The following MAGI2 variants were observed in gnomAD, a reference collection of about 807,000 sequenced individuals.
MAGI2 encodes membrane-associated guanylate kinase, WW and PDZ domain-containing protein 2.
MAGI2 carries 35 observed loss-of-function variants against 133.3 expected under a neutral mutation model. The observed-to-expected ratio is 0.26, with a 90% CI of 0.20 to 0.35. MAGI2 has a LOEUF of 0.35. Among genes scored for constraint, MAGI2 ranks in the 10% least tolerant of loss-of-function variants. MAGI2 has a pLI of 1.00. For synonymous variants in MAGI2, 729 were observed against 710.6 expected (o/e 1.03, Z -0.41); for missense variants, 1,636 against 1,863.4 (o/e 0.88, Z 2.25).
intron 21 of MAGI2, 174 bp downstream of exon 21, chr7:78,078,773 T>C (rs1815631493): frequency 4.4e-6 from 3 of 682,404 alleles, no homozygotes; most frequent in Non-Finnish European, 4.9e-6. Context: ...GGCATAAACA[T>C]ACGTGTGTGT....
chr7:78,023,820 G>A (rs1186435929), intron 21 of MAGI2, among the ~76,000 whole-genome samples: 1 of 152,130 alleles, frequency 6.6e-6, no homozygotes, highest in Admixed American at 6.5e-5. Context: ...ACCAAATGAG[G>A]ATGGAAAATA....
At chr7:78,867,119 G>A (rs1794626615) in intron 2 of MAGI2, among the ~76,000 whole-genome samples, 2 of 148,698 alleles carry the variant, frequency 1.3e-5, no homozygotes, top group Non-Finnish European at 3.0e-5. Context: ...AACCATTGTG[G>A]AAGTCAGTGT....
intron 2 of MAGI2, among the ~76,000 whole-genome samples, chr7:78,715,175 A>T (rs1192129076): frequency 6.6e-6 from 1 of 152,134 alleles, no homozygotes; most frequent in Non-Finnish European, 1.5e-5. Flanking sequence ...AGAGATTGGG[A>T]GAATGTGGGA....
chr7:79,344,796 TA>T (rs777894831), intron 1 of MAGI2, among the ~76,000 whole-genome samples: 23 of 152,084 alleles, frequency 1.5e-4, no homozygotes, highest in Non-Finnish European at 2.4e-4. Context: ...ATGTGGCATT[TA>T]CCTGGGTGAC....
At chr7:78,250,846 T>A (rs1458785032) in intron 10 of MAGI2, among the ~76,000 whole-genome samples, 1 of 152,062 alleles carries the variant, frequency 6.6e-6, no homozygotes, top group African/African-American at 2.4e-5. Flanking sequence ...ACAAACTGTT[T>A]CAGAAGTTAG....
intron 3 of MAGI2, among the ~76,000 whole-genome samples, chr7:78,573,118 G>T (rs1315448499): frequency 3.2e-5 from 3 of 94,714 alleles, no homozygotes; most frequent in Non-Finnish European, 6.1e-5. Flanking sequence ...TATGGAGAGA[G>T]ATATATATAT....
chr7:78,731,472 AT>A (rs747990927), intron 2 of MAGI2, among the ~76,000 whole-genome samples: 1 of 152,156 alleles, frequency 6.6e-6, no homozygotes, highest in East Asian at 1.9e-4. Flanking sequence ...GAAATGAAAT[AT>A]TTGCACAAAA....
intron 1 of MAGI2, among the ~76,000 whole-genome samples, chr7:79,108,564 T>C (rs1166451351): frequency 1.3e-5 from 2 of 152,226 alleles, no homozygotes; most frequent in Non-Finnish European, 2.9e-5. Context: ...TCACTATGAA[T>C]GTTAATACTA....
intron 6 of MAGI2, chr7:78,456,998 CA>C (rs1789389912): frequency 6.6e-6 from 1 of 152,138 alleles, no homozygotes. Context: ...CAAGTCGGTG[CA>C]AAAGTTTTCT....
chr7:79,129,278 T>C (rs565088135), intron 1 of MAGI2, among the ~76,000 whole-genome samples: 1 of 152,352 alleles, frequency 6.6e-6, no homozygotes, highest in African/African-American at 2.4e-5. Context: ...ATTTATTGAC[T>C]AATGTACTGA....
intron 2 of MAGI2, among the ~76,000 whole-genome samples, chr7:78,747,075 C>T (rs1360356238): frequency 6.6e-6 from 1 of 152,090 alleles, no homozygotes; most frequent in Non-Finnish European, 1.5e-5. Context: ...CACAGCCAGC[C>T]AGGTCAGCGC....
intron 2 of MAGI2, among the ~76,000 whole-genome samples, chr7:79,004,740 C>A (rs1807260973): frequency 6.6e-6 from 1 of 152,022 alleles, no homozygotes; most frequent in African/African-American, 2.4e-5. Context: ...TATTATGTAT[C>A]AATTAGAAAT....
chr7:78,022,498 G>T (rs1584860014), intron 21 of MAGI2, among the ~76,000 whole-genome samples: 2 of 152,270 alleles, frequency 1.3e-5, no homozygotes, highest in Admixed American at 6.5e-5. Context: ...TACAAAATGG[G>T]CCAGTTAGGA....
chr7:78,389,699 C>A (rs889613884), intron 6 of MAGI2, among the ~76,000 whole-genome samples: 4 of 113,306 alleles, frequency 3.5e-5, no homozygotes, highest in Admixed American at 2.4e-4. Flanking sequence ...TTGCTGTTTG[C>A]CCCGCATTTC....
chr7:78,967,967 A>C (rs1450974514), intron 2 of MAGI2, among the ~76,000 whole-genome samples: 1 of 152,044 alleles, frequency 6.6e-6, no homozygotes, highest in Non-Finnish European at 1.5e-5. Flanking sequence ...AGTAGCTGGG[A>C]TTACAGGCAT....
chr7:78,111,819 C>T (rs533274972), intron 20 of MAGI2, among the ~76,000 whole-genome samples: 64 of 152,230 alleles, frequency 4.2e-4, no homozygotes, highest in Middle Eastern at 3.4e-3. Flanking sequence ...GGCATCTGGA[C>T]GAAATGGTCT....
At chr7:78,763,038 C>T (rs948176251) in intron 2 of MAGI2, among the ~76,000 whole-genome samples, 4 of 152,148 alleles carry the variant, frequency 2.6e-5, no homozygotes, top group Admixed American at 1.3e-4. Flanking sequence ...GAGAGAAACA[C>T]GAGAAATGAA....
chr7:78,204,133 T>C (rs1474711720), intron 10 of MAGI2, among the ~76,000 whole-genome samples: 2 of 152,218 alleles, frequency 1.3e-5, no homozygotes, highest in Non-Finnish European at 2.9e-5. Context: ...TGCATATGCA[T>C]GTATTGTGTG....
At chr7:78,058,616 C>T (rs776524431) in intron 21 of MAGI2, among the ~76,000 whole-genome samples, 10 of 151,884 alleles carry the variant, frequency 6.6e-5, no homozygotes, top group Admixed American at 2.6e-4. Context: ...GGACTACAGG[C>T]GCCTGCCACC....
Sources: gnomAD v4.1 joint callset for allele counts (sites outside exome capture counted in the v4.1 genomes callset) on GRCh38, gnomAD v4.1.1 for gene constraint, MANE v1.5 for transcripts, NCBI Gene and HGNC (gene_info 2026-07-23, HGNC 2026-07-21) for gene names.